SCAP: variants seen among roughly 807,000 people sequenced by gnomAD.
SCAP encodes the protein sterol regulatory element-binding protein cleavage-activating protein.
In SCAP, 65 loss-of-function variants were observed where a neutral mutation model predicts 123.6. The ratio of observed to expected loss-of-function variants is 0.53; its 90% confidence interval spans 0.43 to 0.65. SCAP has a LOEUF of 0.65. Among genes scored for constraint, SCAP ranks in the 30% least tolerant of loss-of-function variants. The probability of loss-of-function intolerance (pLI) is 0.00; values close to 1 mark genes in which losing one functional copy is unlikely to be tolerated. For missense variants in SCAP, 1,398 were observed against 1,712.5 expected, an observed-to-expected ratio of 0.82 and a Z score of 3.24; for synonymous variants, 740 against 726.3, an observed-to-expected ratio of 1.02 and a Z score of -0.30.
intron 10 of SCAP, among the ~76,000 whole-genome samples, chr3:47,421,716 G>C (rs1019344225): frequency 2.6e-5 from 4 of 152,380 alleles, no homozygotes; most frequent in Middle Eastern, 3.4e-3. Flanking sequence ...GTTTTTCCAG[G>C]AGAAGCAGCC....
chr3:47,468,063 G>T (rs1707899077), intron 1 of SCAP, among the ~76,000 whole-genome samples: 1 of 152,004 alleles, frequency 6.6e-6, no homozygotes, highest in Non-Finnish European at 1.5e-5. Context: ...CTTTTTTTAT[G>T]GCTGCATAGT....
intron 9 of SCAP, chr3:47,422,782 T>C: frequency 2.5e-6 from 1 of 396,034 alleles, no homozygotes; most frequent in East Asian, 3.9e-5. Flanking sequence ...AGGAGAGCTA[T>C]AATCATCAAA....
intron 3 of SCAP, among the ~76,000 whole-genome samples, chr3:47,432,169 T>C (rs1706385154): frequency 6.6e-6 from 1 of 151,734 alleles, no homozygotes; most frequent in African/African-American, 2.4e-5. Flanking sequence ...TACAAAAAAT[T>C]AGCCAGGCGT....
chr3:47,452,191 TATAA>T (rs1194667957), intron 1 of SCAP, among the ~76,000 whole-genome samples: 1 of 152,252 alleles, frequency 6.6e-6, no homozygotes, highest in Non-Finnish European at 1.5e-5. Flanking sequence ...CTGTCAAGAC[TATAA>T]ATAAACTCCC....
chr3:47,445,008 G>C (rs1178835908), intron 1 of SCAP, among the ~76,000 whole-genome samples: 1 of 150,336 alleles, frequency 6.7e-6, no homozygotes, highest in African/African-American at 2.4e-5. Flanking sequence ...CTGACCTCAA[G>C]TGATCCGCCA....
In SCAP at chr3:47,418,258, G is replaced by GC; in HGVS notation, c.2332-10dup. Reference sequence around the variant, plus strand: ...GCCAGGCACTCGATGTCCTGCAGAAGCCCGGTGTTGGTATGGGCCAGGCTC... The same window carrying GC: ...GCCAGGCACTCGATGTCCTGCAGAAGCCCCGGTGTTGGTATGGGCCAGGCTC... On this transcript the variant is annotated splice_polypyrimidine_tract_variant and intron_variant, in intron 15 of 22. Coordinates refer to ENST00000265565, the MANE Select transcript of SCAP (RefSeq NM_012235.4). 1 of 1,559,920 alleles carries GC rather than the reference G, an allele frequency of 6.4e-7. No individual in the cohort carries two copies. Among genetic ancestry groups the GC allele is most frequent in the Non-Finnish European group, 8.7e-7 (1 of 1,152,300 alleles).
At chr3:47,416,030 G>A (rs1041453203) in intron 18 of SCAP, among the ~76,000 whole-genome samples, 1 of 152,242 alleles carries the variant, frequency 6.6e-6, no homozygotes, top group Non-Finnish European at 1.5e-5. Flanking sequence ...AGCCCATGCA[G>A]AACCTGTGGT....
At chr3:47,461,846 C>A (rs1459812544) in intron 1 of SCAP, among the ~76,000 whole-genome samples, 3 of 152,120 alleles carry the variant, frequency 2.0e-5, no homozygotes, top group African/African-American at 7.2e-5. Flanking sequence ...CCAGCGTGAG[C>A]AACACGGTGA....
At position 47,421,031 on chromosome 3, in the gene SCAP, T is replaced by C; in HGVS notation, c.1246-2A>G. On this transcript the variant is annotated splice_acceptor_variant, in intron 10 of 22. Transcript: ENST00000265565. LOFTEE classifies it high-confidence loss of function. Reference sequence around the variant, plus strand: ...CACGACAGCAAAGAGACAGAACTCCTGGAATCAGAGCACATGGGGATGGGG... The same window carrying C: ...CACGACAGCAAAGAGACAGAACTCCCGGAATCAGAGCACATGGGGATGGGG... 6.2e-7 allele frequency: 1 copy of C among 1,612,530 alleles called. No individual in the cohort carries two copies.
chr3:47,422,605 T>C (rs1705953213), intron 9 of SCAP, 69 bp from the exon 10 acceptor site: 3 of 1,333,368 alleles, frequency 2.2e-6, no homozygotes, highest in South Asian at 1.3e-5. Context: ...CACAACCTCA[T>C]GGGCCTCGGA....
At position 47,418,706 on chromosome 3, in the gene SCAP, C is replaced by T. The variant is rs1705757493; in HGVS notation, c.2078G>A (p.Gly693Glu). ...GPIPAGHWEA[G>E]PKGPGGVQAH... ...CTGCACCCCACCTGGGCCCTTGGGT[C>T]CTGCTTCCCAGTGCCCAGCAGGTAT... The change falls in exon 14 of 23, where the codon GGA becomes GAA. Residue 693 changes from glycine to glutamate, a missense_variant. Coordinates refer to ENST00000265565, the MANE Select transcript of SCAP (RefSeq NM_012235.4). 1 of 1,466,090 alleles carries T rather than the reference C, an allele frequency of 6.8e-7. No homozygotes were observed. Among genetic ancestry groups the T allele is most frequent in the Non-Finnish European group, 9.2e-7 (1 of 1,088,882 alleles). 90.8% of individuals were successfully genotyped at this position (1,466,090 alleles called of 1,614,324 possible).
chr3:47,474,396 T>C (rs1228650140), intron 1 of SCAP, among the ~76,000 whole-genome samples: 1 of 152,240 alleles, frequency 6.6e-6, no homozygotes, highest in Non-Finnish European at 1.5e-5. Context: ...ATTTATACAG[T>C]GTTAAATATA....
At chr3:47,442,792 G>T (rs770312738) in intron 2 of SCAP, 80 bp downstream of exon 2, 81 of 1,301,176 alleles carry the variant, frequency 6.2e-5, no homozygotes, top group Non-Finnish European at 8.1e-5. Flanking sequence ...AGAGGCCAAG[G>T]GCTCCATAGT....
intron 3 of SCAP, among the ~76,000 whole-genome samples, chr3:47,432,357 G>GA (rs1025368612): frequency 7.7e-5 from 10 of 129,334 alleles, no homozygotes; most frequent in East Asian, 2.1e-4. Flanking sequence ...AAAAAAAAAA[G>GA]AAAAAAAAAT....
At chr3:47,445,180 G>A (rs1706981864) in intron 1 of SCAP, among the ~76,000 whole-genome samples, 1 of 150,672 alleles carries the variant, frequency 6.6e-6, no homozygotes, top group African/African-American at 2.4e-5. Context: ...TTTGCCTATT[G>A]TGAATAGTGC....
chr3:47,443,965 C>T (rs1706925753), intron 1 of SCAP, among the ~76,000 whole-genome samples: 2 of 152,184 alleles, frequency 1.3e-5, no homozygotes, highest in African/African-American at 2.4e-5. Context: ...GAGGTTCCTG[C>T]TCCCAAGATC....
intron 1 of SCAP, among the ~76,000 whole-genome samples, chr3:47,470,504 C>A (rs552561974): frequency 6.6e-6 from 1 of 152,352 alleles, no homozygotes; most frequent in East Asian, 1.9e-4. Context: ...AGCCTGACAA[C>A]TAGGCATCAG....
At chr3:47,425,659 G>C in intron 7 of SCAP, 48 bp from the exon 8 acceptor site, 1 of 1,597,586 alleles carries the variant, frequency 6.3e-7, no homozygotes, top group Non-Finnish European at 8.6e-7. Context: ...CCCAGCCCCC[G>C]GCCCACTGGG....
intron 1 of SCAP, among the ~76,000 whole-genome samples, chr3:47,444,931 C>G (rs548215967): frequency 6.6e-6 from 1 of 151,840 alleles, no homozygotes; most frequent in Non-Finnish European, 1.5e-5. Flanking sequence ...GCCACCACAC[C>G]TGGCTAATTT....
Sources: gnomAD v4.1 joint callset for allele counts (sites outside exome capture counted in the v4.1 genomes callset) on GRCh38, gnomAD v4.1.1 for gene constraint, MANE v1.5 for transcripts, NCBI Gene and HGNC (gene_info 2026-07-23, HGNC 2026-07-21) for gene names.